PRKD1: variants seen among roughly 807,000 people sequenced by gnomAD.
PRKD1 encodes serine/threonine-protein kinase D1.
In PRKD1, 63 loss-of-function variants were observed where a neutral mutation model predicts 95.9. The observed-to-expected ratio is 0.66, with a 90% confidence interval of 0.54 to 0.81. The LOEUF is 0.81. Among genes scored for constraint, PRKD1 ranks in the 30% least tolerant of loss-of-function variants. PRKD1 has a pLI of 0.00. For synonymous variants in PRKD1, 425 were observed against 423.1 expected (o/e 1.00, Z -0.05); for missense variants, 1,048 against 1,165.3 (o/e 0.90, Z 1.47).
At chr14:29,793,556 A>G (rs886595448) in intron 1 of PRKD1, among the ~76,000 whole-genome samples, 2 of 152,110 alleles carry the variant, frequency 1.3e-5, no homozygotes, top group African/African-American at 2.4e-5. Context: ...GGCTTGCACA[A>G]TTTGGTTTCT....
chr14:29,618,658 T>C (rs1242395551), intron 13 of PRKD1, among the ~76,000 whole-genome samples: 2 of 152,122 alleles, frequency 1.3e-5, no homozygotes, highest in Non-Finnish European at 2.9e-5. Context: ...GTAAATGATA[T>C]GCCATAAGAC....
intron 2 of PRKD1, among the ~76,000 whole-genome samples, chr14:29,698,401 T>C (rs1203430866): frequency 6.6e-6 from 1 of 152,124 alleles, no homozygotes; most frequent in Admixed American, 6.6e-5. Flanking sequence ...TTATCAAGCT[T>C]GACAAGAGAG....
chr14:29,879,345 T>C (rs191163624), intron 1 of PRKD1, among the ~76,000 whole-genome samples: 63 of 152,332 alleles, frequency 4.1e-4, no homozygotes, highest in Non-Finnish European at 6.3e-4. Context: ...ATTCTTGTGA[T>C]AGTGAATACG....
rs184227038 is a variant in PRKD1 at position 29,871,689 on chromosome 14, A to G, written c.264+55560T>C. Among the ~76,000 whole-genome samples, 11 of 152,328 alleles carry G rather than the reference A, an allele frequency of 7.2e-5. No individual in the cohort carries two copies. In the East Asian group the frequency reaches 2.1e-3, roughly 29 times the overall value. On this transcript the variant is annotated intron_variant, in intron 1 of 17. Transcript: ENST00000331968. The stretch of plus-strand genomic sequence containing the variant: ...AATTAATAGCTGCCTTATCATCACC[A>G]TCTACTTGAAAGAGCAGTTGTAGGC...
intron 1 of PRKD1, among the ~76,000 whole-genome samples, chr14:29,836,491 A>G (rs1016436517): frequency 7.2e-5 from 11 of 152,182 alleles, no homozygotes; most frequent in African/African-American, 2.4e-4. Flanking sequence ...TGACAGGTAA[A>G]GAGAGCTGTA....
chr14:29,886,765 A>G (rs1462312945), intron 1 of PRKD1, among the ~76,000 whole-genome samples: 3 of 152,228 alleles, frequency 2.0e-5, no homozygotes, highest in African/African-American at 7.2e-5. Context: ...AATCTTCAAT[A>G]GATTCCATAG....
At chr14:29,780,451 G>T (rs117465809) in intron 1 of PRKD1, among the ~76,000 whole-genome samples, 1 of 151,616 alleles carries the variant, frequency 6.6e-6, no homozygotes, top group Non-Finnish European at 1.5e-5. Flanking sequence ...AGAAAACATC[G>T]AACAACCCCA....
intron 1 of PRKD1, among the ~76,000 whole-genome samples, chr14:29,789,050 C>T (rs920820475): frequency 6.6e-6 from 1 of 152,010 alleles, no homozygotes; most frequent in Non-Finnish European, 1.5e-5. Flanking sequence ...CTATGCCTGA[C>T]TAATTTTTAA....
intron 1 of PRKD1, among the ~76,000 whole-genome samples, chr14:29,790,626 T>A (rs758200636): frequency 1.3e-5 from 2 of 152,198 alleles, no homozygotes; most frequent in Non-Finnish European, 2.9e-5. Flanking sequence ...TTTCTTCAAT[T>A]TTTAAGCTTA....
At chr14:29,695,913 T>C (rs540753789) in intron 2 of PRKD1, among the ~76,000 whole-genome samples, 2 of 152,174 alleles carry the variant, frequency 1.3e-5, no homozygotes, top group Non-Finnish European at 2.9e-5. Context: ...GTTGATAGCA[T>C]TTTACAATAA....
chr14:29,599,706 T>C lies in PRKD1; in HGVS notation c.2017A>G (p.Ser673Gly). 6.2e-7 allele frequency: 1 copy of C among 1,613,612 alleles called. No individual in the cohort carries two copies. The highest frequency in any genetic ancestry group is 8.5e-7 in the Non-Finnish European group (1 of 1,179,814). Residue 673 changes from serine (S) to glycine (G), a missense_variant, in exon 14 of 18, where the codon AGT becomes GGT. Around this residue, in one of 3 missense-constraint regions of PRKD1, gnomAD observed 739 missense variants for 861.9 expected, o/e 0.86. Coordinates refer to ENST00000331968, the MANE Select transcript of PRKD1 (RefSeq NM_002742.3). ...TGCTCTGGCAACCTGCCCTTTTCAC[T>C]TGACAAGATCATTTCCAGCATGTCT... is the stretch of plus-strand genomic sequence containing the variant. Reference protein sequence around the residue: ...HGDMLEMILSSEKGRLPEHIT... With the variant: ...HGDMLEMILSGEKGRLPEHIT...
At position 29,594,181 on chromosome 14, in the gene PRKD1, GA is replaced by G. The variant is rs1252398004; in HGVS notation, c.2434+3309del. The G allele has an allele frequency of 1.1e-5, 5 of 444,270 alleles. No homozygotes were observed. The Admixed American group carries it at 1.3e-4, about 11-fold the overall frequency. The allele number at this position is 444,270 out of a possible 1,614,324, so 27.5% of individuals were successfully genotyped here. A position where few individuals can be genotyped will look rare whatever the true frequency, so the allele number is the denominator to read the frequency against. On this transcript the variant is annotated intron_variant, in intron 16 of 17. Transcript: ENST00000331968. ...TATCAAGTCAACATCTACACTAACA[GA>G]AAAAATACATAATAAAGAAATTTGT...
At chr14:29,682,133 T>C (rs898365489) in intron 2 of PRKD1, among the ~76,000 whole-genome samples, 1 of 152,230 alleles carries the variant, frequency 6.6e-6, no homozygotes, top group African/African-American at 2.4e-5. Flanking sequence ...CTGTATGTGC[T>C]AGTATTCTTG....
intron 1 of PRKD1, among the ~76,000 whole-genome samples, chr14:29,887,686 T>C (rs536377005): frequency 1.6e-4 from 24 of 152,340 alleles, no homozygotes; most frequent in South Asian, 1.5e-3. Context: ...AATATTGTAA[T>C]ACCCTATTTT....
At chr14:29,869,024 T>C (rs1242726057) in intron 1 of PRKD1, among the ~76,000 whole-genome samples, 1 of 152,186 alleles carries the variant, frequency 6.6e-6, no homozygotes, top group Admixed American at 6.6e-5. Context: ...AGTACCATTA[T>C]GAAAATCAAA....
chr14:29,662,803 T>G (rs1882254781), intron 4 of PRKD1, among the ~76,000 whole-genome samples: 1 of 151,870 alleles, frequency 6.6e-6, no homozygotes, highest in Non-Finnish European at 1.5e-5. Context: ...TTCAAAATTT[T>G]TTTCTCTCTA....
At chr14:29,753,862 T>TA (rs1203971629) in intron 1 of PRKD1, among the ~76,000 whole-genome samples, 2 of 152,176 alleles carry the variant, frequency 1.3e-5, no homozygotes, top group African/African-American at 2.4e-5. Flanking sequence ...AGATCTCTAC[T>TA]AACTTGCTGC....
At chr14:29,776,324 G>T (rs1028543470) in intron 1 of PRKD1, among the ~76,000 whole-genome samples, 1 of 152,174 alleles carries the variant, frequency 6.6e-6, no homozygotes, top group Non-Finnish European at 1.5e-5. Flanking sequence ...AGAGAAGAAG[G>T]CTTCAGACGA....
intron 2 of PRKD1, among the ~76,000 whole-genome samples, chr14:29,705,844 C>T (rs995120267): frequency 6.6e-6 from 1 of 152,100 alleles, no homozygotes; most frequent in Admixed American, 6.6e-5. Context: ...AATGGGTATA[C>T]CACATTTTCT....
Sources: gnomAD v4.1 joint callset for allele counts (sites outside exome capture counted in the v4.1 genomes callset) on GRCh38, gnomAD v4.1.1 for gene constraint, gnomAD v4.1.1 regional missense constraint, MANE v1.5 for transcripts, NCBI Gene and HGNC (gene_info 2026-07-23, HGNC 2026-07-21) for gene names.